The following EAPP variants were observed in gnomAD, a reference collection of about 807,000 sequenced individuals.
EAPP encodes the protein E2F associated phosphoprotein.
A neutral mutation model predicts 34.3 loss-of-function variants in EAPP; 38 were observed. The ratio of observed to expected loss-of-function variants is 1.11; its 90% confidence interval spans 0.85 to 1.45. EAPP has a LOEUF of 1.45. EAPP is among the 40% of genes most tolerant of loss of function. EAPP has a pLI of 0.00. For missense variants in EAPP, 338 were observed against 343.7 expected, an observed-to-expected ratio of 0.98 and a Z score of 0.13; for synonymous variants, 113 against 117.6, an observed-to-expected ratio of 0.96 and a Z score of 0.25.
intron 5 of EAPP, among the ~76,000 whole-genome samples, chr14:34,521,512 T>C: frequency 6.6e-6 from 1 of 152,158 alleles, no homozygotes; most frequent in East Asian, 1.9e-4. Flanking sequence ...CCTCTGATTG[T>C]GCATTTTCAA....
Position 34,539,565 on chromosome 14 carries a change from C to T in EAPP, c.64G>A (p.Ala22Thr). 1 of 1,604,740 alleles carries T rather than the reference C, an allele frequency of 6.2e-7. No homozygotes were observed. Among genetic ancestry groups the T allele is most frequent in the Non-Finnish European group, 8.5e-7 (1 of 1,177,138 alleles). The change falls in exon 1 of 6, where the codon GCT becomes ACT. Residue 22 changes from alanine to threonine, a missense_variant. Transcript: ENST00000250454. ...GGGGCGGGAGCCCACCTGCTCAAAG[C>T]CGGCTCCTCGTCGCTAGGCTCTTCA... ...AVEEPSDEEP[A>T]LSSSEDEVDV...
At chr14:34,529,780 C>A (rs899133715) in intron 3 of EAPP, among the ~76,000 whole-genome samples, 1 of 152,062 alleles carries the variant, frequency 6.6e-6, no homozygotes, top group Non-Finnish European at 1.5e-5. Context: ...CTTTGGGAGA[C>A]CAAGGTGGGC....
chr14:34,539,327 C>A (rs143906137), intron 1 of EAPP: 1 of 686,938 alleles, frequency 1.5e-6, no homozygotes, highest in Non-Finnish European at 2.7e-6. Context: ...TACACGCGGT[C>A]CCCCGTGATT....
At position 34,536,243 on chromosome 14, in the gene EAPP, C is replaced by A. The variant is rs758055434; in HGVS notation, c.107G>T (p.Gly36Val). The A allele has an allele frequency of 2.5e-6, 4 of 1,611,366 alleles. No homozygotes were observed. Among genetic ancestry groups the A allele is most frequent in the Middle Eastern group, 1.6e-4 (1 of 6,078 alleles). Reference sequence around the variant, plus strand: ...GAGTTTTCGTTTTTGGTCAGGAGTTCCATGTAAAAGCACATCCACTTCATC... The same window carrying A: ...GAGTTTTCGTTTTTGGTCAGGAGTTACATGTAAAAGCACATCCACTTCATC... ...SEDEVDVLLH[G>V]TPDQKRKLIR... is the part of the protein sequence containing the mutation. Residue 36 changes from glycine to valine, a missense_variant, in exon 2 of 6, where the codon GGA (glycine) becomes GTA (valine). Coordinates refer to ENST00000250454, the MANE Select transcript of EAPP (RefSeq NM_018453.4).
At chr14:34,538,296 T>C (rs1162890020) in intron 1 of EAPP, among the ~76,000 whole-genome samples, 1 of 152,178 alleles carries the variant, frequency 6.6e-6, no homozygotes, top group Non-Finnish European at 1.5e-5. Flanking sequence ...GGAGAATTGC[T>C]GGAACCCAGG....
rs901839184 is a variant in EAPP at position 34,538,156 on chromosome 14, T to C, written c.74+1399A>G. Among the ~76,000 whole-genome samples the C allele has an allele frequency of 5.8e-4, 89 of 152,260 alleles. 1 individual carries two copies. The highest frequency in any genetic ancestry group is 2.0e-3 in the African/African-American group (82 of 41,554). ...ACTTTGGGAGCCCGACGCAGGCAGA[T>C]TGCCTAAGGTCAGGAGTTCAAGACC... On this transcript the variant is annotated intron_variant, in intron 1 of 5. Transcript: ENST00000250454.
At chr14:34,529,754 G>A (rs1242212346) in intron 3 of EAPP, among the ~76,000 whole-genome samples, 2 of 151,524 alleles carry the variant, frequency 1.3e-5, no homozygotes, top group Admixed American at 6.6e-5. Context: ...GGTGGCTCAC[G>A]CCTGTAATCC....
intron 4 of EAPP, among the ~76,000 whole-genome samples, chr14:34,528,929 G>A (rs1201178821): frequency 6.6e-6 from 1 of 151,878 alleles, no homozygotes; most frequent in African/African-American, 2.4e-5. Context: ...GAGGTCAGGG[G>A]TTCGAGACCA....
chr14:34,517,180 T>C (rs1178627826), intron 5 of EAPP, among the ~76,000 whole-genome samples: 4 of 151,708 alleles, frequency 2.6e-5, no homozygotes, highest in East Asian at 3.9e-4. Flanking sequence ...CCTTGTGATC[T>C]GCCCGCCTCG....
intron 1 of EAPP, chr14:34,539,302 T>C (rs945402796): frequency 1.6e-5 from 11 of 670,046 alleles, no homozygotes; most frequent in East Asian, 2.8e-5. Context: ...TTCGATCTCA[T>C]TGCTTTTGAA....
chr14:34,536,548 T>A (rs1721171032), intron 1 of EAPP: 1 of 197,356 alleles, frequency 5.1e-6, no homozygotes, highest in Admixed American at 7.5e-5. Flanking sequence ...CACTGCAACC[T>A]CCACCTCCCC....
chr14:34,528,810 G>T (rs1880179713), intron 4 of EAPP, among the ~76,000 whole-genome samples: 1 of 151,674 alleles, frequency 6.6e-6, no homozygotes, highest in South Asian at 2.1e-4. Flanking sequence ...GACTAACGCA[G>T]CCTAAATTCA....
At chr14:34,536,298 A>G in intron 1 of EAPP, 23 bp from the exon 2 acceptor site, 1 of 1,543,800 alleles carries the variant, frequency 6.5e-7, no homozygotes, top group East Asian at 2.3e-5. Flanking sequence ...TAAATCAAAA[A>G]GAATATGAAT....
At chr14:34,522,371 CAG>C (rs1458885335) in intron 5 of EAPP, among the ~76,000 whole-genome samples, 2 of 152,238 alleles carry the variant, frequency 1.3e-5, no homozygotes, top group African/African-American at 2.4e-5. Flanking sequence ...AATTCTTGGT[CAG>C]AGAGTTCACA....
intron 4 of EAPP, among the ~76,000 whole-genome samples, chr14:34,528,997 G>A (rs1171410764): frequency 1.3e-5 from 2 of 151,882 alleles, no homozygotes; most frequent in Non-Finnish European, 2.9e-5. Context: ...TTAGCTGTGT[G>A]TGGTGGCAGG....
chr14:34,523,020 T>C (rs962662531), intron 5 of EAPP, among the ~76,000 whole-genome samples: 11 of 152,062 alleles, frequency 7.2e-5, no homozygotes, highest in Admixed American at 2.0e-4. Context: ...GCCAGGCAGA[T>C]TGTGGAGAAG....
intron 5 of EAPP, among the ~76,000 whole-genome samples, chr14:34,520,892 G>C (rs554714665): frequency 1.3e-5 from 2 of 151,288 alleles, no homozygotes; most frequent in Admixed American, 1.3e-4. Context: ...TACTTTATAT[G>C]CTATTTGCTT....
intron 5 of EAPP, among the ~76,000 whole-genome samples, chr14:34,522,729 G>C (rs1333156923): frequency 6.6e-6 from 1 of 152,170 alleles, no homozygotes; most frequent in Non-Finnish European, 1.5e-5. Context: ...TGAAGTGGGG[G>C]GTGGGTCCCA....
intron 1 of EAPP, among the ~76,000 whole-genome samples, chr14:34,536,954 T>G (rs1880499825): frequency 6.6e-6 from 1 of 152,132 alleles, no homozygotes. Context: ...ATGTTAACAC[T>G]GGAGGAAACT....
Sources: allele counts gnomAD v4.1 joint callset (sites outside exome capture counted in the v4.1 genomes callset), GRCh38; gene constraint gnomAD v4.1.1; transcripts MANE v1.5; gene names NCBI Gene and HGNC (gene_info 2026-07-23, HGNC 2026-07-21).